The following BRF1 variants were observed in gnomAD, a reference collection of about 807,000 sequenced individuals.
BRF1 encodes BRF1 general transcription factor IIIB subunit.
BRF1 carries 59 observed loss-of-function variants against 81.7 expected under a neutral mutation model. That is an observed-to-expected ratio of 0.72 (90% CI 0.59 to 0.90). The LOEUF (loss-of-function observed/expected upper bound fraction) is 0.90. Ranked by LOEUF, BRF1 falls within the 40% of genes least tolerant of loss-of-function variation. BRF1 has a pLI of 0.00. For missense variants in BRF1, 1,050 were observed against 936.3 expected, an observed-to-expected ratio of 1.12 and a Z score of -1.58; for synonymous variants, 491 against 395.6, an observed-to-expected ratio of 1.24 and a Z score of -2.86.
chr14:105,218,738 C>A (rs1056690912), intron 14 of BRF1, among the ~76,000 whole-genome samples: 1 of 152,204 alleles, frequency 6.6e-6, no homozygotes, highest in African/African-American at 2.4e-5. Flanking sequence ...CAGTCTGCCC[C>A]GGTGCTGCAT....
chr14:105,221,711 C>A lies in BRF1; in HGVS notation c.1252G>T (p.Ala418Ser), dbSNP rs754858305. The change falls in exon 11 of 18, where the codon GCA becomes TCA. Residue 418 changes from alanine (A) to serine (S), a missense_variant. By Grantham distance (99) the Ala-to-Ser change is moderately conservative. This residue lies in a region of BRF1 where 1,043 missense variants were observed against 915.4 expected (regional missense o/e 1.14). Coordinates refer to ENST00000547530, the MANE Select transcript of BRF1 (RefSeq NM_001519.4). ...LGSLLDPLPT[A>S]ASLGISDSIR... ...GAGTCTGAGATGCCCAGGCTGGCTGCAGTGGGGAGGGGGTCCAGCAGGGAC... is the reference window on the plus strand; with the variant it reads ...GAGTCTGAGATGCCCAGGCTGGCTGAAGTGGGGAGGGGGTCCAGCAGGGAC... 6.2e-7 allele frequency: 1 copy of A among 1,611,410 alleles called. No individual in the cohort carries two copies. Among genetic ancestry groups the A allele is most frequent in the South Asian group, 1.1e-5 (1 of 90,982 alleles).
Position 105,245,137 on chromosome 14 carries a change from T to C in BRF1, c.545-3723A>G, listed in dbSNP as rs140326782. 3.7e-3 allele frequency among the ~76,000 whole-genome samples: 559 copies of C among 152,184 alleles called. 1 individual carries two copies. Among genetic ancestry groups the C allele is most frequent in the African/African-American group, 0.013 (533 of 41,512 alleles). On this transcript the variant is annotated intron_variant, in intron 5 of 17. Transcript: ENST00000547530. ...ACTTTGGGAGGCCGAGGCAGGTGGA[T>C]TGCCTGAGCTCAGAAGTTTGAAACC...
rs769787027 is a variant in BRF1, at chr14:105,228,793, CCCATG to C, written c.788+22_788+26del. 3.1e-6 allele frequency: 5 copies of C among 1,612,256 alleles called. No homozygotes were observed. In the African/African-American group the frequency reaches 6.7e-5, roughly 22 times the overall value. On this transcript the variant is annotated intron_variant, in intron 7 of 17. Coordinates refer to ENST00000547530, the MANE Select transcript of BRF1 (RefSeq NM_001519.4). ...GGACTGATGAAGCCTCTGTGTGGTC[CCCATG>C]CCATGAATGAGAGCCCCTCACCTCT...
intron 1 of BRF1, among the ~76,000 whole-genome samples, chr14:105,293,826 G>A (rs2057621307): frequency 6.6e-6 from 1 of 152,192 alleles, no homozygotes; most frequent in Non-Finnish European, 1.5e-5. Flanking sequence ...GAGGCCTCTG[G>A]TCACCTGCCC....
At chr14:105,247,230 T>A (rs1414935493) in intron 5 of BRF1, 1 of 985,290 alleles carries the variant, frequency 1.0e-6, no homozygotes, top group Admixed American at 6.2e-5. Flanking sequence ...CTTTCCGGAC[T>A]CTCATGCATA....
At chr14:105,286,929 C>G (rs986167171) in intron 1 of BRF1, among the ~76,000 whole-genome samples, 1 of 152,246 alleles carries the variant, frequency 6.6e-6, no homozygotes, top group East Asian at 1.9e-4. Context: ...CCCCTTGCCC[C>G]AGGCCAGCCC....
chr14:105,219,459 A>C, intron 12 of BRF1: 7 of 941,164 alleles, frequency 7.4e-6, no homozygotes, highest in South Asian at 3.8e-5. Flanking sequence ...CATGTGTGAG[A>C]CCCCCTAGGG....
intron 2 of BRF1, among the ~76,000 whole-genome samples, chr14:105,280,921 C>G: frequency 7.0e-6 from 1 of 143,878 alleles, no homozygotes; most frequent in East Asian, 2.1e-4. Flanking sequence ...TGACCCTGAG[C>G]CCAGGTGTGT....
At chr14:105,267,906 A>C (rs979738238) in intron 3 of BRF1, among the ~76,000 whole-genome samples, 41 of 151,754 alleles carry the variant, frequency 2.7e-4, no homozygotes, top group African/African-American at 1.0e-3. Flanking sequence ...CTGAGAGAGG[A>C]GCTGGGTCTG....
At position 105,315,033 on chromosome 14, in the gene BRF1, C is replaced by T; in HGVS notation, c.-162+289G>A. On this transcript the variant is annotated intron_variant, in intron 1 of 17. Coordinates refer to the BRF1 transcript ENST00000327359. The surrounding 1 kb of genome is among the most constrained non-coding windows in gnomAD (Gnocchi z 4.4). ...GGACGGCTCCAGCCCCAGCTGCGTG[C>T]CCAGGTACGCGCCGCCCGCCGCGCT... 3.3e-6 allele frequency: 4 copies of T among 1,202,984 alleles called. No homozygotes were observed. The highest frequency in any genetic ancestry group is 1.6e-5 in the African/African-American group (1 of 61,550). The allele number at this position is 1,202,984 out of a possible 1,614,324, so 74.5% of individuals were successfully genotyped here. A position where few individuals can be genotyped will look rare whatever the true frequency, so the allele number is the denominator to read the frequency against.
In BRF1 at chr14:105,226,126, C is replaced by G; in HGVS notation, c.991G>C (p.Glu331Gln). Residue 331 changes from glutamate (E) to glutamine (Q), a missense_variant, in exon 10 of 18, where the codon GAA (glutamate) becomes CAA (glutamine). By Grantham distance (29) the Glu-to-Gln change is conservative. Coordinates refer to ENST00000547530, the MANE Select transcript of BRF1 (RefSeq NM_001519.4). ...GCCTTTGGCCGGCTGTTTTCTAGTT[C>G]AATCTCAATTGCATCCTGGTAACTG... ...ISSYQDAIEI[E>Q]LENSRPKAKG... is the part of the protein sequence containing the mutation. 6.2e-7 allele frequency: 1 copy of G among 1,613,932 alleles called. No individual in the cohort carries two copies. Among genetic ancestry groups the G allele is most frequent in the Non-Finnish European group, 8.5e-7 (1 of 1,180,038 alleles).
chr14:105,215,812 G>T (rs1298983348), intron 15 of BRF1, among the ~76,000 whole-genome samples: 1 of 110,954 alleles, frequency 9.0e-6, no homozygotes, highest in Non-Finnish European at 1.8e-5. Flanking sequence ...TGCATACACA[G>T]GCACACACAC....
At chr14:105,298,583 G>A (rs372692761) in intron 1 of BRF1, among the ~76,000 whole-genome samples, 304 of 152,268 alleles carry the variant, frequency 2.0e-3, no homozygotes, top group Middle Eastern at 0.01. Flanking sequence ...GGCCAGGTGC[G>A]GTGGCTCGCG....
chr14:105,229,643 C>T (rs587770202), intron 6 of BRF1, among the ~76,000 whole-genome samples: 120 of 151,056 alleles, frequency 7.9e-4, no homozygotes, highest in African/African-American at 9.9e-4. Flanking sequence ...CAGCTGGGGG[C>T]GGGGGACAGC....
intron 3 of BRF1, among the ~76,000 whole-genome samples, chr14:105,261,762 C>T (rs2140347587): frequency 6.6e-6 from 1 of 152,346 alleles, no homozygotes; most frequent in African/African-American, 2.4e-5. Flanking sequence ...GCCGGCAGGG[C>T]CCCACCCTGA....
chr14:105,253,641 G>A (rs1383433556), intron 4 of BRF1, among the ~76,000 whole-genome samples: 3 of 152,342 alleles, frequency 2.0e-5, no homozygotes, highest in East Asian at 3.9e-4. Flanking sequence ...CAGAGGCAGC[G>A]CTTGTGGGGG....
At position 105,249,164 on chromosome 14, in the gene BRF1, C is replaced by T. The variant is rs767595892; in HGVS notation, c.544+3343G>A. ...GTGCCTCTACCTTTGCAGGAACGCG[C>T]TCATGTTCAACAACGAGCTCATGGC... On this transcript the variant is annotated intron_variant, in intron 5 of 17. Coordinates refer to ENST00000547530, the MANE Select transcript of BRF1 (RefSeq NM_001519.4). The T allele has an allele frequency of 1.8e-5, 29 of 1,580,314 alleles. No individual in the cohort carries two copies. In the South Asian group the frequency reaches 2.7e-4, roughly 15 times the overall value.
intron 6 of BRF1, among the ~76,000 whole-genome samples, chr14:105,229,590 C>T (rs1035414854): frequency 3.3e-5 from 5 of 152,244 alleles, no homozygotes; most frequent in African/African-American, 9.6e-5. Context: ...TGAGTGACAG[C>T]TGCGACCTGG....
chr14:105,272,722 C>T lies in BRF1; in HGVS notation c.438G>A (p.Pro146=), dbSNP rs1219364193. 3 of 1,604,330 alleles carry T rather than the reference C, an allele frequency of 1.9e-6. No individual in the cohort carries two copies. Among genetic ancestry groups the T allele is most frequent in the Admixed American group, 1.7e-5 (1 of 59,628 alleles). ...GGAGGCTCTCAAACCAAAGGATACG[C>T]GGCGTGCCCTCCGTACGGCAGACCA... ...LYLVCRTEGT[P]HMLLDLSDLL... is the part of the protein sequence containing the mutation. The change falls in exon 3 of 18, where the codon CCG becomes CCA. Residue 146 remains proline (P), a splice_region_variant and synonymous_variant. Coordinates refer to ENST00000547530, the MANE Select transcript of BRF1 (RefSeq NM_001519.4).
Sources: gnomAD v4.1 joint callset for allele counts (sites outside exome capture counted in the v4.1 genomes callset) on GRCh38, gnomAD v4.1.1 for gene constraint, gnomAD v4.1.1 regional missense constraint, Gnocchi (gnomAD v3.1) non-coding constraint, MANE v1.5 for transcripts, NCBI Gene and HGNC (gene_info 2026-07-23, HGNC 2026-07-21) for gene names.